The following FAS variants were observed in gnomAD, a reference collection of about 807,000 sequenced individuals.
The protein encoded by FAS is tumor necrosis factor receptor superfamily member 6.
In FAS, 5 loss-of-function variants were observed where a neutral mutation model predicts 33.2. That is an observed-to-expected ratio of 0.15 (90% CI 0.08 to 0.32). The LOEUF is 0.32. Ranked by LOEUF, FAS falls within the 10% of genes least tolerant of loss-of-function variation. The pLI is 1.00. For synonymous variants in FAS, 131 were observed against 130.7 expected (o/e 1.00, Z -0.01); for missense variants, 339 against 386.0 (o/e 0.88, Z 1.02).
At chr10:88,986,621 T>A (rs1846893069), upstream of FAS, among the ~76,000 whole-genome samples, 1 of 151,936 alleles carries the variant, frequency 6.6e-6, no homozygotes, top group Non-Finnish European at 1.5e-5. Context: ...AATGTGAGCA[T>A]GGAAGTAGTA....
chr10:89,014,275 T>A lies in FAS; in HGVS notation c.833T>A (p.Leu278His). The change falls in exon 9 of 9, where the codon CTT becomes CAT. Residue 278 changes from leucine to histidine, a missense_variant. By Grantham distance (99) the Leu-to-His change is moderately conservative. This residue lies in a region of FAS where 11 missense variants were observed against 33.2 expected (regional missense o/e 0.33). Coordinates refer to ENST00000652046, the MANE Select transcript of FAS (RefSeq NM_000043.6). ...QDTAEQKVQLLRNWHQLHGKK... is the reference protein window; with the variant it reads ...QDTAEQKVQLHRNWHQLHGKK... ...ACAGCAGAACAGAAAGTTCAACTGC[T>A]TCGTAATTGGCATCAACTTCATGGA... is the stretch of plus-strand genomic sequence containing the variant. The A allele has an allele frequency of 6.2e-7, 1 of 1,613,990 alleles. No individual in the cohort carries two copies. Among genetic ancestry groups the A allele is most frequent in the Non-Finnish European group, 8.5e-7 (1 of 1,179,942 alleles).
chr10:88,996,326 T>C (rs748446587), intron 1 of FAS, among the ~76,000 whole-genome samples: 1 of 151,958 alleles, frequency 6.6e-6, no homozygotes, highest in African/African-American at 2.4e-5. Flanking sequence ...ATTTTAAAAA[T>C]TGGGCCTATA....
At position 89,014,351 on chromosome 10, in the gene FAS, T is replaced by C. The variant is rs967060461; in HGVS notation, c.909T>C (p.Leu303=). ...TLIKDLKKAN[L]CTLAEKIQTI... is the part of the protein sequence containing the mutation. ...TTAAAGATCTCAAAAAAGCCAATCT[T>C]TGTACTCTTGCAGAGAAAATTCAGA... Residue 303 remains leucine, a synonymous_variant, in exon 9 of 9, where the codon CTT becomes CTC. Transcript: ENST00000652046. 6.2e-7 allele frequency: 1 copy of C among 1,613,864 alleles called. No individual in the cohort carries two copies. The highest frequency in any genetic ancestry group is 1.1e-5 in the South Asian group (1 of 91,080).
chr10:89,007,992 G>C (rs767472244), intron 3 of FAS, among the ~76,000 whole-genome samples, 155 bp downstream of exon 3: 1 of 152,162 alleles, frequency 6.6e-6, no homozygotes, highest in South Asian at 2.1e-4. Flanking sequence ...ACCAGGTGCC[G>C]AGCTAACTAC....
chr10:89,016,200 C>A lies in FAS; in HGVS notation c.*1750C>A, dbSNP rs750074882. ...AATATATTCTATTTAACCCATGAGT[C>A]CCAAAGTATTAGCATTTCAACATGT... is the stretch of plus-strand genomic sequence containing the variant. On this transcript the variant is annotated 3_prime_UTR_variant, in exon 9 of 9. Coordinates refer to ENST00000652046, the MANE Select transcript of FAS (RefSeq NM_000043.6). 4.6e-6 allele frequency: 1 copy of A among 217,166 alleles called. No individual in the cohort carries two copies. The highest frequency in any genetic ancestry group is 9.3e-6 in the Non-Finnish European group (1 of 108,008). 13.5% of individuals were successfully genotyped at this position (217,166 alleles called of 1,614,324 possible).
chr10:89,001,078 A>G (rs890443221), intron 1 of FAS, among the ~76,000 whole-genome samples: 1 of 152,140 alleles, frequency 6.6e-6, no homozygotes, highest in African/African-American at 2.4e-5. Context: ...AACAACAACA[A>G]CAAAAACAAA....
intron 4 of FAS, 72 bp downstream of exon 4, chr10:89,009,069 C>G: frequency 7.5e-7 from 1 of 1,329,512 alleles, no homozygotes; most frequent in South Asian, 1.2e-5. Context: ...AGGGAAGTAA[C>G]ACTGACTGAG....
upstream of FAS, among the ~76,000 whole-genome samples, chr10:88,985,232 C>A (rs188950087): frequency 5.3e-5 from 8 of 152,316 alleles, no homozygotes; most frequent in African/African-American, 1.7e-4. Flanking sequence ...CAGCTTCTCA[C>A]ATCTAGTGAA....
intron 2 of FAS, chr10:88,973,443 C>T (rs1846494446): frequency 9.3e-7 from 1 of 1,071,116 alleles, no homozygotes; most frequent in East Asian, 2.9e-5. Context: ...CTCTGCCTTT[C>T]CTTTCTAAAG....
chr10:89,011,025 T>C (rs1450048330), intron 6 of FAS: 2 of 627,736 alleles, frequency 3.2e-6, no homozygotes, highest in Non-Finnish European at 5.6e-6. Context: ...TTTGGGGCAT[T>C]GAGTGGTATT....
chr10:89,014,090 A>G, intron 8 of FAS, 29 bp from the exon 9 acceptor site: 1 of 1,608,260 alleles, frequency 6.2e-7, no homozygotes, highest in Non-Finnish European at 8.5e-7. Flanking sequence ...TTAGAAAAAC[A>G]AATTTTCAGA....
intron 2 of FAS, 48 bp from the exon 3 acceptor site, chr10:89,007,652 A>C (rs1462815530): frequency 2.5e-6 from 4 of 1,604,824 alleles, no homozygotes; most frequent in Non-Finnish European, 3.4e-6. Flanking sequence ...CCACCCTGTT[A>C]CCTGCCCGTG....
At position 89,008,904 on chromosome 10, in the gene FAS, T is replaced by G; in HGVS notation, c.350T>G (p.Ile117Arg). 1 of 1,614,012 alleles carries G rather than the reference T, an allele frequency of 6.2e-7. No homozygotes were observed. The highest frequency in any genetic ancestry group is 8.5e-7 in the Non-Finnish European group (1 of 1,179,878). Residue 117 changes from isoleucine (I) to arginine (R), a missense_variant, in exon 4 of 9, where the codon ATA (isoleucine) becomes AGA (arginine). Ile to Arg is a moderately conservative substitution (Grantham distance 97). Around this residue, in one of 3 missense-constraint regions of FAS, gnomAD observed 276 missense variants for 300.1 expected, o/e 0.92. Transcript: ENST00000652046. ...GATTTTCTAGGCTTAGAAGTGGAAA[T>G]AAACTGCACCCGGACCCAGAATACC... Reference protein sequence around the residue: ...CDEGHGLEVEINCTRTQNTKC... With the variant: ...CDEGHGLEVERNCTRTQNTKC...
Position 89,010,780 on chromosome 10 carries a change from GTCT to G in FAS, c.541_543del (p.Leu182del). On this transcript the variant is annotated inframe_deletion, in exon 6 of 9. Coordinates refer to ENST00000652046, the MANE Select transcript of FAS (RefSeq NM_000043.6). Reference sequence around the variant, plus strand: ...TCCAGATCTAACTTGGGGTGGCTTTGTCTTCTTCTTTTGCCAATTCCACTAATT... The same window carrying G: ...TCCAGATCTAACTTGGGGTGGCTTTGTCTTCTTTTGCCAATTCCACTAATT... 1.2e-6 allele frequency: 2 copies of G among 1,614,004 alleles called. No individual in the cohort carries two copies. Among genetic ancestry groups the G allele is most frequent in the Non-Finnish European group, 1.7e-6 (2 of 1,179,972 alleles).
upstream of FAS, among the ~76,000 whole-genome samples, chr10:88,981,835 G>C (rs757234005): frequency 6.6e-6 from 1 of 152,152 alleles, no homozygotes; most frequent in Middle Eastern, 3.2e-3. Flanking sequence ...GAGGCAAACC[G>C]TCCCATTCAC....
At chr10:89,003,240 A>G in intron 2 of FAS, 46 bp downstream of exon 2, 1 of 1,606,746 alleles carries the variant, frequency 6.2e-7, no homozygotes, top group Non-Finnish European at 8.5e-7. Flanking sequence ...AGTCACAGTT[A>G]GGAGTAGCAC....
At chr10:89,010,633 C>T in intron 5 of FAS, 33 bp downstream of exon 5, 2 of 1,608,754 alleles carry the variant, frequency 1.2e-6, no homozygotes, top group South Asian at 2.2e-5. Context: ...ATTCTCCTTT[C>T]CCCCAACCCC....
chr10:88,988,758 C>G (rs148635465), upstream of FAS, among the ~76,000 whole-genome samples: 145 of 152,272 alleles, frequency 9.5e-4, no homozygotes, highest in Middle Eastern at 6.8e-3. Context: ...ATAGATTCTT[C>G]AAAGGATTCC....
intron 2 of FAS, among the ~76,000 whole-genome samples, chr10:88,980,705 C>T (rs557508831): frequency 5.9e-5 from 9 of 152,290 alleles, no homozygotes; most frequent in African/African-American, 2.2e-4. Context: ...AAATGTCCCC[C>T]CTCTGGAGCA....
Sources: gnomAD v4.1 joint callset for allele counts (sites outside exome capture counted in the v4.1 genomes callset) on GRCh38, gnomAD v4.1.1 for gene constraint, gnomAD v4.1.1 regional missense constraint, MANE v1.5 for transcripts, NCBI Gene and HGNC (gene_info 2026-07-23, HGNC 2026-07-21) for gene names.